RIC1: variants seen among roughly 807,000 people sequenced by gnomAD.
RIC1 encodes RIC1 partner of RAB6A GEF complex.
RIC1 carries 88 observed loss-of-function variants against 169.0 expected under a neutral mutation model. That is an observed-to-expected ratio of 0.52 (90% CI 0.44 to 0.62). RIC1 has a LOEUF of 0.62. Among genes scored for constraint, RIC1 ranks in the 20% least tolerant of loss-of-function variants. The pLI is 0.00. For synonymous variants in RIC1, 790 were observed against 601.5 expected (o/e 1.31, Z -4.59); for missense variants, 1,877 against 1,725.5 (o/e 1.09, Z -1.56).
At chr9:5,669,455 C>A (rs1819965446) in intron 2 of RIC1, among the ~76,000 whole-genome samples, 1 of 152,106 alleles carries the variant, frequency 6.6e-6, no homozygotes, top group African/African-American at 2.4e-5. Context: ...GCTGCAAATG[C>A]CATTATTTTG....
chr9:5,772,899 C>G lies in RIC1; in HGVS notation c.3802C>G (p.Leu1268Val). Residue 1268 changes from leucine (L) to valine (V), a missense_variant, in exon 25 of 26, where the codon CTA becomes GTA. By Grantham distance (32) the Leu-to-Val change is conservative. Around this residue, in one of 3 missense-constraint regions of RIC1, gnomAD observed 681 missense variants for 582.0 expected, o/e 1.17. Transcript: ENST00000414202. The stretch of plus-strand genomic sequence containing the variant: ...GTTTCTGCTTATATTTAGGTATTTG[C>G]TACACATTTTCATGGAGGCAGGGTG... ...HKSQVQLRYLLHIFMEAGCLD... is the reference protein window; with the variant it reads ...HKSQVQLRYLVHIFMEAGCLD... The G allele has an allele frequency of 6.2e-7, 1 of 1,610,702 alleles. No homozygotes were observed. Among genetic ancestry groups the G allele is most frequent in the Non-Finnish European group, 8.5e-7 (1 of 1,178,570 alleles).
At chr9:5,664,020 G>A (rs767000799) in intron 2 of RIC1, among the ~76,000 whole-genome samples, 22 of 152,202 alleles carry the variant, frequency 1.4e-4, no homozygotes, top group African/African-American at 2.9e-4. Flanking sequence ...TTCCCTCAGC[G>A]TTTGCTTGTC....
intron 10 of RIC1, among the ~76,000 whole-genome samples, chr9:5,744,828 G>A (rs1587091954): frequency 1.3e-5 from 2 of 152,084 alleles, no homozygotes; most frequent in Admixed American, 6.6e-5. Flanking sequence ...TAAAACCCCT[G>A]TCTTTACATA....
At chr9:5,714,991 A>G (rs1355596917) in intron 4 of RIC1, among the ~76,000 whole-genome samples, 1 of 152,228 alleles carries the variant, frequency 6.6e-6, no homozygotes, top group East Asian at 1.9e-4. Flanking sequence ...GTACAGAATG[A>G]TACTGAAACA....
downstream of RIC1, among the ~76,000 whole-genome samples, chr9:5,776,866 G>C (rs368995649): frequency 7.9e-5 from 12 of 152,152 alleles, no homozygotes; most frequent in South Asian, 2.5e-3. Flanking sequence ...TGTAAGTATA[G>C]AGGAACCTAG....
chr9:5,731,401 GT>G (rs1372660200), intron 6 of RIC1, among the ~76,000 whole-genome samples: 1 of 152,074 alleles, frequency 6.6e-6, no homozygotes, highest in African/African-American at 2.4e-5. Flanking sequence ...AAGATTCCGT[GT>G]TTAGATAGTA....
At chr9:5,773,677 C>G (rs1417978626) in intron 25 of RIC1, among the ~76,000 whole-genome samples, 1 of 152,176 alleles carries the variant, frequency 6.6e-6, no homozygotes, top group Non-Finnish European at 1.5e-5. Context: ...GTTGGCCTTT[C>G]AATTGTAAAA....
rs1230361307 is a variant in RIC1, at chr9:5,678,935, A to G, written c.253-11024A>G. 3.6e-4 allele frequency among the ~76,000 whole-genome samples: 55 copies of G among 151,854 alleles called. No homozygotes were observed. The East Asian group carries it at 0.01, about 28-fold the overall frequency. ...GTCCTTGCCCATGCCTATGTCCTGA[A>G]TGGTATTGCCTAGGTTTTCTTCTAG... On this transcript the variant is annotated intron_variant, in intron 2 of 25. Coordinates refer to ENST00000414202, the MANE Select transcript of RIC1 (RefSeq NM_020829.4).
intron 2 of RIC1, among the ~76,000 whole-genome samples, chr9:5,685,339 A>G (rs926408533): frequency 6.6e-6 from 1 of 151,686 alleles, no homozygotes; most frequent in African/African-American, 2.4e-5. Flanking sequence ...AGCCAAAAGA[A>G]CAAAGCTGGA....
chr9:5,731,876 C>G (rs985620347), intron 6 of RIC1, among the ~76,000 whole-genome samples: 1 of 152,048 alleles, frequency 6.6e-6, no homozygotes, highest in African/African-American at 2.4e-5. Context: ...TGTCAGGCTT[C>G]CAGATACCAT....
chr9:5,777,833 T>C (rs1174087355), downstream of RIC1, among the ~76,000 whole-genome samples: 5 of 152,192 alleles, frequency 3.3e-5, no homozygotes, highest in South Asian at 2.1e-4. Context: ...ATCTATAATA[T>C]CTTCTTATGC....
chr9:5,647,328 T>G (rs1441547297), intron 1 of RIC1, among the ~76,000 whole-genome samples: 1 of 152,324 alleles, frequency 6.6e-6, no homozygotes, highest in South Asian at 2.1e-4. Flanking sequence ...TAGGATGGAT[T>G]TTTCTGTTTC....
chr9:5,689,044 C>CTTT (rs34717277), intron 2 of RIC1, among the ~76,000 whole-genome samples: 3,885 of 98,848 alleles, frequency 0.039, 237 homozygotes, highest in African/African-American at 0.065. Context: ...AATACAATTT[C>CTTT]TTTTTTTTTT....
intron 2 of RIC1, among the ~76,000 whole-genome samples, chr9:5,658,939 T>G (rs1436939245): frequency 6.6e-6 from 1 of 151,580 alleles, no homozygotes; most frequent in Non-Finnish European, 1.5e-5. Context: ...TATTAGAAAA[T>G]GTTTTCAAAT....
chr9:5,702,380 G>C (rs1407101227), intron 3 of RIC1, among the ~76,000 whole-genome samples: 2 of 152,196 alleles, frequency 1.3e-5, no homozygotes, highest in Admixed American at 6.5e-5. Flanking sequence ...GGCTATACAG[G>C]AAGAATGGCT....
intron 17 of RIC1, among the ~76,000 whole-genome samples, chr9:5,762,179 C>G (rs1826379780): frequency 6.6e-6 from 1 of 152,170 alleles, no homozygotes; most frequent in African/African-American, 2.4e-5. Context: ...GTATGTCTTC[C>G]TCATCTGTCA....
intron 1 of RIC1, 79 bp downstream of exon 1, chr9:5,629,532 A>G: frequency 7.1e-7 from 1 of 1,415,538 alleles, no homozygotes; most frequent in South Asian, 1.4e-5. Context: ...TTCCACCCAG[A>G]GCCTAGGACT....
intron 6 of RIC1, among the ~76,000 whole-genome samples, chr9:5,731,479 A>G (rs1824367899): frequency 6.6e-6 from 1 of 152,290 alleles, no homozygotes; most frequent in East Asian, 1.9e-4. Flanking sequence ...TTGTGATTAT[A>G]TTGTATCTTT....
intron 2 of RIC1, among the ~76,000 whole-genome samples, chr9:5,668,252 G>A (rs969139899): frequency 6.6e-6 from 1 of 152,116 alleles, no homozygotes; most frequent in African/African-American, 2.4e-5. Context: ...GGGGATTATG[G>A]GAACTACAAT....
Sources: gnomAD v4.1 joint callset for allele counts (sites outside exome capture counted in the v4.1 genomes callset) on GRCh38, gnomAD v4.1.1 for gene constraint, gnomAD v4.1.1 regional missense constraint, MANE v1.5 for transcripts, NCBI Gene and HGNC (gene_info 2026-07-23, HGNC 2026-07-21) for gene names.